Variants in AGO3 observed in about 807,000 individuals in gnomAD.
AGO3 encodes the protein argonaute RISC catalytic component 3, also known as protein argonaute-3.
In AGO3, 16 loss-of-function variants were observed where a neutral mutation model predicts 105.5. The ratio of observed to expected loss-of-function variants is 0.15; its 90% CI spans 0.10 to 0.23. The LOEUF (loss-of-function observed/expected upper bound fraction) is 0.23, where lower values mean the gene tolerates loss of function less well. Ranked by LOEUF, AGO3 falls within the 10% of genes least tolerant of loss-of-function variation. The pLI, the probability that AGO3 is intolerant of heterozygous loss-of-function variation, is 1.00. For missense variants in AGO3, 534 were observed against 1,088.0 expected (o/e 0.49, Z 7.16); for synonymous variants, 340 against 367.3 (o/e 0.93, Z 0.85).
intron 3 of AGO3, among the ~76,000 whole-genome samples, chr1:35,970,839 A>G (rs1266558677): frequency 6.6e-6 from 1 of 151,200 alleles, no homozygotes; most frequent in Non-Finnish European, 1.5e-5. Flanking sequence ...AAACGATCCT[A>G]CTGCCTCAGC....
intron 2 of AGO3, among the ~76,000 whole-genome samples, chr1:35,961,708 A>G (rs2148765186): frequency 6.6e-6 from 1 of 152,302 alleles, no homozygotes; most frequent in African/African-American, 2.4e-5. Flanking sequence ...CACAAATTGA[A>G]CAGAGTACTC....
chr1:36,052,851 A>G (rs953830544), intron 17 of AGO3, among the ~76,000 whole-genome samples: 3 of 152,142 alleles, frequency 2.0e-5, no homozygotes, highest in Admixed American at 2.0e-4. Flanking sequence ...ATCTCTATAA[A>G]AAATAAAAAA....
At chr1:35,957,749 C>G (rs912876373) in intron 2 of AGO3, among the ~76,000 whole-genome samples, 1 of 151,664 alleles carries the variant, frequency 6.6e-6, no homozygotes, top group East Asian at 1.9e-4. Flanking sequence ...TGCTCAGTAT[C>G]GATTTTATAT....
rs945235976 is a variant in AGO3, at chr1:35,932,480, T to C, written c.19+1035T>C. Among the ~76,000 whole-genome samples the C allele has an allele frequency of 4.6e-5, 7 of 152,248 alleles. 1 individual carries two copies. In the South Asian group the frequency reaches 6.2e-4, roughly 14 times the overall value. On this transcript the variant is annotated intron_variant, in intron 1 of 18. Transcript: ENST00000373191. ...GTGACATAACGATAGCTAAGAACTT[T>C]GTTGAATAGATTACGTGTCAAATGG... is the stretch of plus-strand genomic sequence containing the variant.
chr1:35,936,759 A>G (rs1646155179), intron 1 of AGO3, among the ~76,000 whole-genome samples: 1 of 152,122 alleles, frequency 6.6e-6, no homozygotes, highest in South Asian at 2.1e-4. Context: ...TTTTGTAGAG[A>G]CGGGATCTTA....
intron 11 of AGO3, among the ~76,000 whole-genome samples, chr1:36,018,180 G>C (rs942640092): frequency 1.3e-5 from 2 of 151,850 alleles, no homozygotes; most frequent in Non-Finnish European, 2.9e-5. Context: ...CACCACGTTA[G>C]CCAGGATGGT....
intron 5 of AGO3, among the ~76,000 whole-genome samples, chr1:36,003,706 AAAAATAT>A (rs1275623736): frequency 2.0e-4 from 26 of 128,296 alleles, no homozygotes; most frequent in South Asian, 5.4e-4. Context: ...AAAAAAAAAA[AAAAATAT>A]ATATATATAT....
chr1:36,006,482 A>G (rs1640340043), intron 6 of AGO3, among the ~76,000 whole-genome samples: 1 of 152,072 alleles, frequency 6.6e-6, no homozygotes, highest in Non-Finnish European at 1.5e-5. Flanking sequence ...AACCTTATTA[A>G]TATTTTTTTA....
intron 6 of AGO3, among the ~76,000 whole-genome samples, chr1:36,007,693 A>AG (rs1044454124): frequency 2.7e-5 from 4 of 148,138 alleles, no homozygotes; most frequent in African/African-American, 1.0e-4. Flanking sequence ...CAAAAAACTA[A>AG]AAAAAAAAAA....
At chr1:36,033,336 CAA>C (rs80275011) in intron 12 of AGO3, among the ~76,000 whole-genome samples, 8 of 124,956 alleles carry the variant, frequency 6.4e-5, no homozygotes, top group Admixed American at 1.6e-4. Flanking sequence ...GACTCCATCT[CAA>C]AAAAAAAAAA....
In AGO3 at chr1:36,027,819, T is replaced by C. The variant is rs274728; in HGVS notation, c.1591+521T>C. The stretch of plus-strand genomic sequence containing the variant: ...GGGTTTCAGTAGTGAAAAGAGGCAT[T>C]ACATAACAATGGCTAAAGAAAGAAT... On this transcript the variant is annotated intron_variant, in intron 12 of 18. Coordinates refer to ENST00000373191, the MANE Select transcript of AGO3 (RefSeq NM_024852.4). The surrounding 1 kb of genome is among the most constrained non-coding windows in gnomAD (Gnocchi z 4.0). 0.93 allele frequency among the ~76,000 whole-genome samples: 141,528 copies of C among 152,060 alleles called. 65,931 individuals carry two copies. Among genetic ancestry groups the C allele is most frequent in the East Asian group, 1 (5,184 of 5,188 alleles).
At chr1:35,959,454 T>C (rs1646634453) in intron 2 of AGO3, among the ~76,000 whole-genome samples, 1 of 152,198 alleles carries the variant, frequency 6.6e-6, no homozygotes, top group South Asian at 2.1e-4. Context: ...CTAAGGTTAT[T>C]AGTGAAAGGA....
At chr1:35,948,419 A>T (rs1046802949) in intron 2 of AGO3, among the ~76,000 whole-genome samples, 1 of 151,802 alleles carries the variant, frequency 6.6e-6, no homozygotes, top group Non-Finnish European at 1.5e-5. Context: ...GGGTTTCTCC[A>T]TGTTGGCCCA....
chr1:35,951,460 C>T (rs540425917), intron 2 of AGO3, among the ~76,000 whole-genome samples: 4 of 152,164 alleles, frequency 2.6e-5, no homozygotes, highest in South Asian at 4.1e-4. Context: ...TGCAGTGGTA[C>T]GATCACAGTT....
At chr1:35,988,710 G>A (rs1269671348) in intron 5 of AGO3, among the ~76,000 whole-genome samples, 1 of 151,868 alleles carries the variant, frequency 6.6e-6, no homozygotes, top group African/African-American at 2.4e-5. Context: ...TCCATATCTT[G>A]GCTGTTGTGA....
chr1:36,057,784 CT>C lies in AGO3; in HGVS notation c.*2040del, dbSNP rs1642971224. 1 of 152,140 alleles carries C rather than the reference CT, an allele frequency of 6.6e-6. No homozygotes were observed. The highest frequency in any genetic ancestry group is 1.5e-5 in the Non-Finnish European group (1 of 68,064). The allele number at this position is 152,140 out of a possible 1,614,324, so 9.4% of individuals were successfully genotyped here. ...CGGAGCTCAGGAGTTTGAGACCAGC[CT>C]GGCCAACGTGGTGAAACCCCGTCTC... On this transcript the variant is annotated 3_prime_UTR_variant, in exon 19 of 19. Coordinates refer to ENST00000373191, the MANE Select transcript of AGO3 (RefSeq NM_024852.4).
At chr1:35,982,753 G>A in intron 5 of AGO3, 2 of 636,750 alleles carry the variant, frequency 3.1e-6, no homozygotes, top group Non-Finnish European at 2.9e-6. Flanking sequence ...GGAGAGGAAG[G>A]ATTAAGCTGA....
At chr1:35,970,982 G>A (rs368520187) in intron 3 of AGO3, among the ~76,000 whole-genome samples, 15 of 145,472 alleles carry the variant, frequency 1.0e-4, no homozygotes, top group East Asian at 2.0e-4. Flanking sequence ...CTGCCTCAGC[G>A]TCCCAAAGTG....
At chr1:35,982,725 G>C in intron 5 of AGO3, 1 of 711,878 alleles carries the variant, frequency 1.4e-6, no homozygotes, top group East Asian at 2.7e-5. Flanking sequence ...AAGAGATGGT[G>C]ATGGTCTAAT....
Sources: allele counts gnomAD v4.1 joint callset (sites outside exome capture counted in the v4.1 genomes callset), GRCh38; gene constraint gnomAD v4.1.1; non-coding constraint Gnocchi (gnomAD v3.1); transcripts MANE v1.5; gene names NCBI Gene and HGNC (gene_info 2026-07-23, HGNC 2026-07-21).